The following TSHZ2 variants were observed in gnomAD, a reference collection of about 807,000 sequenced individuals.
TSHZ2 encodes teashirt homolog 2.
Under a neutral mutation model 74.4 loss-of-function variants are expected in TSHZ2, and 21 were observed. The observed-to-expected ratio is 0.28, with a 90% CI of 0.20 to 0.41. The LOEUF (loss-of-function observed/expected upper bound fraction) is 0.41. Among genes scored for constraint, TSHZ2 ranks in the 10% least tolerant of loss-of-function variants. The probability of loss-of-function intolerance (pLI) is 1.00; values close to 1 mark genes in which losing one functional copy is unlikely to be tolerated. For missense variants in TSHZ2, 1,244 were observed against 1,293.5 expected (o/e 0.96, Z 0.59); for synonymous variants, 540 against 515.3 (o/e 1.05, Z -0.65).
intron 2 of TSHZ2, among the ~76,000 whole-genome samples, chr20:53,338,401 A>G (rs1980043938): frequency 6.6e-6 from 1 of 152,192 alleles, no homozygotes; most frequent in African/African-American, 2.4e-5. Flanking sequence ...GGTCCTCCCT[A>G]CTAGAAAAAG....
intron 1 of TSHZ2, among the ~76,000 whole-genome samples, chr20:53,124,252 T>A (rs1986887769): frequency 6.6e-6 from 1 of 152,222 alleles, no homozygotes; most frequent in Non-Finnish European, 1.5e-5. Context: ...CTGTACTCTT[T>A]TCCAATGGGT....
At position 53,255,881 on chromosome 20, in the gene TSHZ2, C is replaced by T. The variant is rs1990465489; in HGVS notation, c.2423C>T (p.Pro808Leu). 10 of 1,613,510 alleles carry T rather than the reference C, an allele frequency of 6.2e-6. No homozygotes were observed. Among genetic ancestry groups the T allele is most frequent in the Non-Finnish European group, 8.5e-6 (10 of 1,179,664 alleles). The change falls in exon 2 of 3, where the codon CCA (proline) becomes CTA (leucine). Residue 808 changes from proline (P) to leucine (L), a missense_variant. Physicochemically the swap from Pro to Leu is moderately conservative, Grantham distance 98 (BLOSUM62 -3). This residue lies in a region of TSHZ2 where 562 missense variants were observed against 544.0 expected (regional missense o/e 1.03). Transcript: ENST00000371497. The surrounding 1 kb of genome is among the most constrained non-coding windows in gnomAD (Gnocchi z 4.1). Reference protein sequence around the residue: ...MVKVLPKATTPKPASSSRVPP... With the variant: ...MVKVLPKATTLKPASSSRVPP... Reference sequence around the variant, plus strand: ...AAAGTCCTCCCCAAAGCCACCACCCCAAAGCCAGCCTCCTCCTCCAGGGTC... The same window carrying T: ...AAAGTCCTCCCCAAAGCCACCACCCTAAAGCCAGCCTCCTCCTCCAGGGTC...
rs1317903182 is a variant in TSHZ2, at chr20:53,126,536, TGACTA to T, written c.41-126960_41-126956del. 5.3e-5 allele frequency among the ~76,000 whole-genome samples: 8 copies of T among 152,308 alleles called. No homozygotes were observed. The East Asian group carries it at 1.5e-3, about 29-fold the overall frequency. ...GAGTAAAGGTGAATTATTTTTCAGA[TGACTA>T]GAGGAGGTTTATGCAATATAGTATT... On this transcript the variant is annotated intron_variant, in intron 1 of 2. Transcript: ENST00000371497.
At chr20:53,084,146 C>A (rs866878127) in intron 1 of TSHZ2, among the ~76,000 whole-genome samples, 2 of 152,030 alleles carry the variant, frequency 1.3e-5, no homozygotes, top group Non-Finnish European at 2.9e-5. Flanking sequence ...AAGTAAAGAA[C>A]GACAAAATAC....
chr20:53,109,190 A>G (rs1443974695), intron 1 of TSHZ2, among the ~76,000 whole-genome samples: 1 of 152,188 alleles, frequency 6.6e-6, no homozygotes, highest in Non-Finnish European at 1.5e-5. Context: ...TTTTAAAATG[A>G]GCTTAAATAT....
intron 1 of TSHZ2, among the ~76,000 whole-genome samples, chr20:53,199,604 T>G (rs1359283453): frequency 6.6e-6 from 1 of 152,174 alleles, no homozygotes; most frequent in South Asian, 2.1e-4. Flanking sequence ...ACACATCAAG[T>G]CTCTGACTTT....
At chr20:53,367,408 A>T (rs563732390) in intron 2 of TSHZ2, among the ~76,000 whole-genome samples, 1 of 152,046 alleles carries the variant, frequency 6.6e-6, no homozygotes, top group South Asian at 2.1e-4. Flanking sequence ...TGTCTCAAAA[A>T]AATAAAATAA....
intron 2 of TSHZ2, among the ~76,000 whole-genome samples, chr20:53,448,460 G>A (rs770413369): frequency 1.3e-5 from 2 of 152,156 alleles, no homozygotes; most frequent in Admixed American, 6.5e-5. Context: ...TTGGTTTCCT[G>A]AGAAAGGAAC....
At chr20:53,058,442 A>G (rs1463388326) in intron 1 of TSHZ2, among the ~76,000 whole-genome samples, 1 of 152,222 alleles carries the variant, frequency 6.6e-6, no homozygotes, top group African/African-American at 2.4e-5. Flanking sequence ...GTGAGGCCTG[A>G]TGCAAAATGA....
intron 1 of TSHZ2, among the ~76,000 whole-genome samples, chr20:53,003,405 CCTT>C (rs1982517472): frequency 6.6e-6 from 1 of 152,006 alleles, no homozygotes; most frequent in South Asian, 2.1e-4. Context: ...AAATTGTGGC[CCTT>C]CTTTTTACTC....
chr20:53,340,564 C>T (rs1479865459), intron 2 of TSHZ2, among the ~76,000 whole-genome samples: 1 of 152,176 alleles, frequency 6.6e-6, no homozygotes, highest in African/African-American at 2.4e-5. Context: ...AAATATTCTA[C>T]ACAGGTTATT....
At chr20:53,060,213 C>G (rs1406794555) in intron 1 of TSHZ2, among the ~76,000 whole-genome samples, 2 of 152,106 alleles carry the variant, frequency 1.3e-5, no homozygotes, top group African/African-American at 4.8e-5. Flanking sequence ...TTTTTCAGAT[C>G]TACCTCACTG....
intron 1 of TSHZ2, among the ~76,000 whole-genome samples, chr20:53,011,541 T>G (rs1349235746): frequency 1.3e-5 from 2 of 152,226 alleles, no homozygotes; most frequent in Admixed American, 1.3e-4. Flanking sequence ...CTTATTCAGT[T>G]TCTATCAGAT....
chr20:53,308,279 C>T (rs374841138), intron 2 of TSHZ2, among the ~76,000 whole-genome samples: 14 of 152,210 alleles, frequency 9.2e-5, no homozygotes, highest in African/African-American at 3.1e-4. Flanking sequence ...TTTCTTTGAC[C>T]TCAAAAGGGC....
chr20:53,280,531 A>G (rs1991034983), intron 2 of TSHZ2, among the ~76,000 whole-genome samples: 1 of 152,214 alleles, frequency 6.6e-6, no homozygotes, highest in Non-Finnish European at 1.5e-5. Flanking sequence ...ACCTGGCACC[A>G]CCTACATGGA....
At chr20:52,985,518 A>G (rs943973157) in intron 1 of TSHZ2, among the ~76,000 whole-genome samples, 1 of 152,138 alleles carries the variant, frequency 6.6e-6, no homozygotes, top group Non-Finnish European at 1.5e-5. Context: ...TAGTTGGGAG[A>G]AGTCAAGCAT....
At chr20:53,027,113 CAA>C (rs5841922) in intron 1 of TSHZ2, among the ~76,000 whole-genome samples, 24 of 150,968 alleles carry the variant, frequency 1.6e-4, no homozygotes, top group Non-Finnish European at 3.1e-4. Context: ...TATTCTAATA[CAA>C]AAAAAAAATT....
intron 1 of TSHZ2, among the ~76,000 whole-genome samples, chr20:53,247,203 G>A (rs905181141): frequency 9.2e-5 from 14 of 152,188 alleles, no homozygotes; most frequent in Admixed American, 1.3e-4. Flanking sequence ...AAAAATCCAC[G>A]CACCATAAAT....
intron 2 of TSHZ2, among the ~76,000 whole-genome samples, chr20:53,349,525 A>G (rs1980563371): frequency 6.6e-6 from 1 of 151,914 alleles, no homozygotes; most frequent in South Asian, 2.1e-4. Flanking sequence ...GGTGGCATGC[A>G]CTTGTAGTCC....
Sources: gnomAD v4.1 joint callset for allele counts (sites outside exome capture counted in the v4.1 genomes callset) on GRCh38, gnomAD v4.1.1 for gene constraint, gnomAD v4.1.1 regional missense constraint, Gnocchi (gnomAD v3.1) non-coding constraint, MANE v1.5 for transcripts, NCBI Gene and HGNC (gene_info 2026-07-23, HGNC 2026-07-21) for gene names.